DSCC1: variants seen among roughly 807,000 people sequenced by gnomAD.
DSCC1 encodes DNA replication and sister chromatid cohesion 1.
DSCC1 carries 32 observed loss-of-function variants against 48.2 expected under a neutral mutation model. The observed-to-expected ratio is 0.66, with a 90% CI of 0.50 to 0.89. The LOEUF (loss-of-function observed/expected upper bound fraction) is 0.89, where lower values mean the gene tolerates loss of function less well. Ranked by LOEUF, DSCC1 falls within the 40% of genes least tolerant of loss-of-function variation. The pLI is 0.00. For synonymous variants in DSCC1, 150 were observed against 171.5 expected, an observed-to-expected ratio of 0.87 and a Z score of 0.98; for missense variants, 421 against 471.7, an observed-to-expected ratio of 0.89 and a Z score of 1.00.
intron 4 of DSCC1, among the ~76,000 whole-genome samples, chr8:119,846,744 T>TAG (rs199572324): frequency 0.011 from 1,690 of 152,198 alleles, 29 homozygotes; most frequent in African/African-American, 0.038. Flanking sequence ...GTATTTTTAG[T>TAG]AGACAGGGTT....
intron 7 of DSCC1, chr8:119,839,742 A>G (rs1175002653): frequency 6.6e-6 from 1 of 152,284 alleles, no homozygotes; most frequent in Admixed American, 6.5e-5. Flanking sequence ...CCTTTACTCC[A>G]GCCCATGCAT....
intron 7 of DSCC1, among the ~76,000 whole-genome samples, 169 bp downstream of exon 7, chr8:119,841,623 ACC>A (rs1826770807): frequency 6.6e-6 from 1 of 152,210 alleles, no homozygotes; most frequent in Non-Finnish European, 1.5e-5. Context: ...TGTAAATTAT[ACC>A]CCAATACTTT....
intron 8 of DSCC1, among the ~76,000 whole-genome samples, chr8:119,835,839 G>A (rs774770214): frequency 8.5e-5 from 13 of 152,074 alleles, no homozygotes; most frequent in South Asian, 4.1e-4. Flanking sequence ...AGAAGATTAC[G>A]ACCGGAACAT....
At chr8:119,835,106 A>C in intron 8 of DSCC1, 105 bp from the exon 9 acceptor site, 3 of 763,448 alleles carry the variant, frequency 3.9e-6, no homozygotes, top group Non-Finnish European at 6.2e-6. Context: ...CTGTCTTCTC[A>C]ACAAGCGTAA....
At chr8:119,846,818 C>T (rs1826863953) in intron 4 of DSCC1, among the ~76,000 whole-genome samples, 172 bp downstream of exon 4, 1 of 152,244 alleles carries the variant, frequency 6.6e-6, no homozygotes. Flanking sequence ...CTCAGCTTCC[C>T]AAAGTGCTGG....
In DSCC1 at chr8:119,836,230, T is replaced by C. The variant is rs577596428; in HGVS notation, c.1074-1229A>G. Among the ~76,000 whole-genome samples, 5 of 152,230 alleles carry C rather than the reference T, an allele frequency of 3.3e-5. No individual in the cohort carries two copies. The South Asian group carries it at 1.0e-3, about 32-fold the overall frequency. ...TGGGAGGCTAAGGCAGGAGAATCCCTTAAACTCGGGAGGCAAATGTTGCAG... is the reference window on the plus strand; with the variant it reads ...TGGGAGGCTAAGGCAGGAGAATCCCCTAAACTCGGGAGGCAAATGTTGCAG... On this transcript the variant is annotated intron_variant, in intron 8 of 8. Transcript: ENST00000313655.
rs368815551 is a variant in DSCC1 at position 119,845,651 on chromosome 8, A to G, written c.577+1339T>C. ...TGCATGGTTTCATTTGCCTTTAAAA[A>G]AAAAAAAAGCTTTAGGGCTGGGCAC... On this transcript the variant is annotated intron_variant, in intron 4 of 8. Coordinates refer to ENST00000313655, the MANE Select transcript of DSCC1 (RefSeq NM_024094.3). Among the ~76,000 whole-genome samples, 247 of 151,924 alleles carry G rather than the reference A, an allele frequency of 1.6e-3. 1 individual carries two copies. The highest frequency in any genetic ancestry group is 5.7e-3 in the African/African-American group (234 of 41,410).
intron 2 of DSCC1, among the ~76,000 whole-genome samples, chr8:119,851,800 G>A (rs1206303094): frequency 1.3e-5 from 2 of 151,922 alleles, no homozygotes; most frequent in Admixed American, 6.6e-5. Flanking sequence ...GTTCAATCAC[G>A]GATTATGGCT....
chr8:119,842,716 T>G, intron 6 of DSCC1, 60 bp downstream of exon 6: 2 of 1,492,422 alleles, frequency 1.3e-6, no homozygotes. Flanking sequence ...CGACAGGCTT[T>G]AGAAAGGTAT....
rs1056509237 is a variant in DSCC1, at chr8:119,855,848, G to A, written c.-53C>T. 3.2e-5 allele frequency: 45 copies of A among 1,410,422 alleles called. No homozygotes were observed. Among genetic ancestry groups the A allele is most frequent in the Non-Finnish European group, 3.9e-5 (42 of 1,081,882 alleles). 87.4% of individuals were successfully genotyped at this position (1,410,422 alleles called of 1,614,324 possible). On this transcript the variant is annotated 5_prime_UTR_variant, in exon 1 of 9. Coordinates refer to ENST00000313655, the MANE Select transcript of DSCC1 (RefSeq NM_024094.3). ...GCGCCCGGGTGGCTGCGGGCTTGGCGGGCAAGAAAGAAGTTCCCAAGCAGC... is the reference window on the plus strand; with the variant it reads ...GCGCCCGGGTGGCTGCGGGCTTGGCAGGCAAGAAAGAAGTTCCCAAGCAGC...
intron 3 of DSCC1, 129 bp from the exon 4 acceptor site, chr8:119,847,209 G>C: frequency 4.3e-6 from 3 of 700,232 alleles, no homozygotes; most frequent in Non-Finnish European, 7.1e-6. Context: ...AGTTTCTTTT[G>C]TTAACATGTA....
chr8:119,835,159 A>C (rs1364130687), intron 8 of DSCC1, among the ~76,000 whole-genome samples, 158 bp from the exon 9 acceptor site: 1 of 152,120 alleles, frequency 6.6e-6, no homozygotes, highest in African/African-American at 2.4e-5. Context: ...AGTGGTTCTA[A>C]GTTTTAATTA....
chr8:119,853,230 G>A lies in DSCC1; in HGVS notation c.183-15C>T, dbSNP rs766148286. On this transcript the variant is annotated splice_polypyrimidine_tract_variant and intron_variant, in intron 1 of 8. Coordinates refer to ENST00000313655, the MANE Select transcript of DSCC1 (RefSeq NM_024094.3). ...GAATCACAAGACTGTAGCAAAATGGGGGAAAAATATATAGTTTATTGACAA... is the reference window on the plus strand; with the variant it reads ...GAATCACAAGACTGTAGCAAAATGGAGGAAAAATATATAGTTTATTGACAA... 3.1e-5 allele frequency: 50 copies of A among 1,592,500 alleles called. No individual in the cohort carries two copies. The highest frequency in any genetic ancestry group is 3.3e-4 in the Middle Eastern group (2 of 5,990).
At position 119,841,991 on chromosome 8, in the gene DSCC1, A is replaced by G. The variant is rs541663381; in HGVS notation, c.770-43T>C. The G allele has an allele frequency of 2.3e-5, 37 of 1,576,302 alleles. No individual in the cohort carries two copies. The South Asian group carries it at 3.3e-4, about 14-fold the overall frequency. On this transcript the variant is annotated intron_variant, in intron 6 of 8. Coordinates refer to ENST00000313655, the MANE Select transcript of DSCC1 (RefSeq NM_024094.3). ...GATATTTTCATATTATCATCTTACA[A>G]TTAAATATTATACTAACATTTCCTT...
At chr8:119,850,331 C>A in intron 3 of DSCC1, 51 bp downstream of exon 3, 1 of 1,491,254 alleles carries the variant, frequency 6.7e-7, no homozygotes, top group African/African-American at 1.4e-5. Context: ...TATTAAGTGC[C>A]TCTGATTATA....
chr8:119,841,979 T>G (rs745385994), intron 6 of DSCC1, 31 bp from the exon 7 acceptor site: 33 of 1,601,768 alleles, frequency 2.1e-5, no homozygotes, highest in Admixed American at 5.0e-5. Flanking sequence ...ATTTTCATAT[T>G]ATCATCTTAC....
At position 119,855,738 on chromosome 8, in the gene DSCC1, C is replaced by T; in HGVS notation, c.58G>A (p.Ala20Thr). 2 of 1,577,302 alleles carry T rather than the reference C, an allele frequency of 1.3e-6. No homozygotes were observed. Among genetic ancestry groups the T allele is most frequent in the Admixed American group, 1.8e-5 (1 of 56,662 alleles). ...CAGTGCACCGCCGGCAGCAGCTCGG[C>T]CGCATTCAGCTTGGCGATCTGCAGC... ...ATLQIAKLNA[A>T]ELLPAVHCLG... The change falls in exon 1 of 9, where the codon GCC becomes ACC. Residue 20 changes from alanine (A) to threonine (T), a missense_variant. Ala to Thr is a moderately conservative substitution (Grantham distance 58, BLOSUM62 0). Transcript: ENST00000313655.
Position 119,838,315 on chromosome 8 carries a change from A to C in DSCC1, c.1017T>G (p.Asn339Lys), listed in dbSNP as rs749741775. 21 of 1,610,024 alleles carry C rather than the reference A, an allele frequency of 1.3e-5. No individual in the cohort carries two copies. Among genetic ancestry groups the C allele is most frequent in the Non-Finnish European group, 1.7e-5 (20 of 1,178,550 alleles). The change falls in exon 8 of 9, where the codon AAT becomes AAG. Residue 339 changes from asparagine to lysine, a missense_variant. Around this residue, in one of 3 missense-constraint regions of DSCC1, gnomAD observed 238 missense variants for 259.0 expected, o/e 0.92. Transcript: ENST00000313655. ...DLPEDNQERF[N>K]SLFSLREKWT... ...ACTTCTCCCTTAGAGAGAAAAGGCT[A>C]TTAAAACGTTCCTGATTATCCTCAG...
intron 6 of DSCC1, 39 bp from the exon 7 acceptor site, chr8:119,841,987 T>C (rs1182089042): frequency 2.8e-5 from 44 of 1,585,270 alleles, no homozygotes; most frequent in Non-Finnish European, 3.8e-5. Context: ...ATTATCATCT[T>C]ACAATTAAAT....
Sources: allele counts gnomAD v4.1 joint callset (sites outside exome capture counted in the v4.1 genomes callset), GRCh38; gene constraint gnomAD v4.1.1; regional missense constraint gnomAD v4.1.1; transcripts MANE v1.5; gene names NCBI Gene and HGNC (gene_info 2026-07-23, HGNC 2026-07-21).